SLC4A2: variants seen among roughly 807,000 people sequenced by gnomAD.
SLC4A2 encodes solute carrier family 4 member 2, also known as anion exchange protein 2.
Under a neutral mutation model 115.0 loss-of-function variants are expected in SLC4A2, and 36 were observed. That is an observed-to-expected ratio of 0.31 (90% CI 0.24 to 0.41). SLC4A2 has a LOEUF of 0.41. SLC4A2 is among the 10% of genes least tolerant of loss of function. The probability of loss-of-function intolerance (pLI) is 1.00; values close to 1 mark genes in which losing one functional copy is unlikely to be tolerated. For missense variants in SLC4A2, 1,252 were observed against 1,705.6 expected, an observed-to-expected ratio of 0.73 and a Z score of 4.68; for synonymous variants, 708 against 708.3, an observed-to-expected ratio of 1.00 and a Z score of 0.01.
rs1204024839 is a variant in SLC4A2 at position 151,070,080 on chromosome 7, C to G, written c.1281C>G (p.His427Gln). The change falls in exon 9 of 23, where the codon CAC (histidine) becomes CAG (glutamine). Residue 427 changes from histidine to glutamine, a missense_variant and splice_region_variant. Coordinates refer to ENST00000413384, the MANE Select transcript of SLC4A2 (RefSeq NM_003040.4). The part of the protein sequence containing the change: ...ANVLRALLLK[H>Q]SHPSDEKDFS... ...TGCTGCGGGCTCTGCTGTTGAAACA[C>G]AGGTGAGGCCCTGTGGGCCAGTTGG... is the stretch of plus-strand genomic sequence containing the variant. 6.2e-7 allele frequency: 1 copy of G among 1,614,014 alleles called. No individual in the cohort carries two copies. Among genetic ancestry groups the G allele is most frequent in the Non-Finnish European group, 8.5e-7 (1 of 1,179,890 alleles).
At chr7:151,075,003 G>A (rs573939842) in intron 19 of SLC4A2, 162 bp downstream of exon 19, 27 of 891,374 alleles carry the variant, frequency 3.0e-5, no homozygotes, top group African/African-American at 1.3e-4. Context: ...GAAAAACCCC[G>A]ATGTTTGCTG....
chr7:151,066,379 G>T, intron 5 of SLC4A2, 138 bp from the exon 6 acceptor site: 1 of 1,022,876 alleles, frequency 9.8e-7, no homozygotes, highest in Non-Finnish European at 1.4e-6. Flanking sequence ...CCCTCCCCGT[G>T]CCCGCACCTC....
chr7:151,062,729 C>A, intron 2 of SLC4A2: 1 of 1,410,028 alleles, frequency 7.1e-7, no homozygotes, highest in Non-Finnish European at 9.2e-7. Context: ...CCCGTCCCCT[C>A]GTCCCACGGG....
intron 2 of SLC4A2, chr7:151,063,064 TG>T (rs1584982133): frequency 1.3e-6 from 2 of 1,490,456 alleles, no homozygotes; most frequent in East Asian, 2.7e-5. Context: ...CGTGGGTGGG[TG>T]GGGGGCTGGA....
chr7:151,064,899 C>A lies in SLC4A2; in HGVS notation c.511C>A (p.Pro171Thr). The A allele has an allele frequency of 1.2e-6, 2 of 1,614,012 alleles. No individual in the cohort carries two copies. The highest frequency in any genetic ancestry group is 1.7e-6 in the Non-Finnish European group (2 of 1,180,000). The change falls in exon 5 of 23, where the codon CCA becomes ACA. Residue 171 changes from proline to threonine, a missense_variant. By Grantham distance (38) the Pro-to-Thr change is conservative. Transcript: ENST00000413384. Reference sequence around the variant, plus strand: ...TGACCGGAAGGCAGAGAGGACCAGTCCATCTTCCCCTGCACCACTGCCCCA... The same window carrying A: ...TGACCGGAAGGCAGAGAGGACCAGTACATCTTCCCCTGCACCACTGCCCCA... The part of the protein sequence containing the change: ...SADRKAERTS[P>T]SSPAPLPHQE...
upstream of SLC4A2, chr7:151,058,434 T>C (rs1173015013): frequency 1.1e-4 from 17 of 157,276 alleles, no homozygotes; most frequent in Admixed American, 9.9e-4. Flanking sequence ...ACCCCAGAAT[T>C]GACTGGGGAA....
chr7:151,074,325 G>T, intron 17 of SLC4A2, 32 bp downstream of exon 17: 1 of 1,609,432 alleles, frequency 6.2e-7, no homozygotes, highest in Admixed American at 1.7e-5. Flanking sequence ...GAGGGGGTTA[G>T]GGGCAGGAAG....
At chr7:151,061,721 C>T (rs113004775) in intron 1 of SLC4A2, 119 of 480,680 alleles carry the variant, frequency 2.5e-4, no homozygotes, top group African/African-American at 1.9e-3. Context: ...CGGCCCTTTT[C>T]GGCCCCCCTC....
In SLC4A2 at chr7:151,066,529, G is replaced by A. The variant is rs1249653385; in HGVS notation, c.591G>A (p.Glu197=). ...TCTGTCTGCCTAGAACCCAGGTGGA[G>A]GAGGCGGAGGCGGAGGCGGTGGCGG... ...SKGAQAGTQV[E]EAEAEAVAVA... Residue 197 remains glutamate, a synonymous_variant, in exon 6 of 23, where the codon GAG becomes GAA. Coordinates refer to ENST00000413384, the MANE Select transcript of SLC4A2 (RefSeq NM_003040.4). The A allele has an allele frequency of 2.7e-6, 4 of 1,500,682 alleles. No homozygotes were observed. Among genetic ancestry groups the A allele is most frequent in the African/African-American group, 3.6e-5 (2 of 54,902 alleles). The allele number at this position is 1,500,682 out of a possible 1,614,324, so 93.0% of individuals were successfully genotyped here.
At position 151,076,165 on chromosome 7, in the gene SLC4A2, CACCGACCG is replaced by C; in HGVS notation, c.3626_3633del (p.Thr1209ArgfsTer8). ...GCATGGTGGTGCTCACCCGTATCTT[CACCGACCG>C]AGAGATGAAATGTGTAAGCCCTCCC... On this transcript the variant is annotated frameshift_variant, in exon 22 of 23. Coordinates refer to ENST00000413384, the MANE Select transcript of SLC4A2 (RefSeq NM_003040.4). LOFTEE classifies it high-confidence loss of function. The C allele has an allele frequency of 6.2e-7, 1 of 1,611,092 alleles. No homozygotes were observed. Among genetic ancestry groups the C allele is most frequent in the Non-Finnish European group, 8.5e-7 (1 of 1,179,920 alleles).
In SLC4A2 at chr7:151,076,337, C is replaced by T. The variant is rs1442017546; in HGVS notation, c.3696C>T (p.Asp1232=). 4 of 1,530,712 alleles carry T rather than the reference C, an allele frequency of 2.6e-6. No individual in the cohort carries two copies. The highest frequency in any genetic ancestry group is 2.0e-5 in the Admixed American group (1 of 48,862). 94.8% of individuals were successfully genotyped at this position (1,530,712 alleles called of 1,614,324 possible). A position where few individuals can be genotyped will look rare whatever the true frequency, so the allele number is the denominator to read the frequency against. The change falls in exon 23 of 23, where the codon GAC becomes GAT. Residue 1232 remains aspartate, a synonymous_variant. Coordinates refer to ENST00000413384, the MANE Select transcript of SLC4A2 (RefSeq NM_003040.4). The stretch of plus-strand genomic sequence containing the variant: ...TGTTTGATGAGCGGGAGGGTGTGGA[C>T]GAGTACAATGAGATGCCCATGCCTG... ...EPVFDEREGV[D]EYNEMPMPV
chr7:151,068,526 A>AT (rs35803484), intron 8 of SLC4A2, among the ~76,000 whole-genome samples: 27 of 150,214 alleles, frequency 1.8e-4, no homozygotes, highest in African/African-American at 4.9e-4. Context: ...AAAAAAATTA[A>AT]TTTTTTTTTT....
chr7:151,074,765 G>A lies in SLC4A2; in HGVS notation c.2971G>A (p.Val991Met). 1 of 1,613,666 alleles carries A rather than the reference G, an allele frequency of 6.2e-7. No individual in the cohort carries two copies. The highest frequency in any genetic ancestry group is 8.5e-7 in the Non-Finnish European group (1 of 1,179,836). ...NPLGEKSPFPVWMMVASLLPA... is the reference protein window; with the variant it reads ...NPLGEKSPFPMWMMVASLLPA... ...CCTGGGAGAGAAGAGCCCCTTCCCT[G>A]TGTGGATGATGGTTGCCAGCCTGCT... Residue 991 changes from valine to methionine, a missense_variant, in exon 19 of 23, where the codon GTG becomes ATG. By Grantham distance (21) the Val-to-Met change is conservative. Coordinates refer to ENST00000413384, the MANE Select transcript of SLC4A2 (RefSeq NM_003040.4).
upstream of SLC4A2, chr7:151,058,205 A>C: frequency 2.2e-5 from 9 of 418,254 alleles, no homozygotes; most frequent in East Asian, 4.8e-5. Context: ...TATTCCTTTT[A>C]TGTGCTCCCA....
Position 151,074,044 on chromosome 7 carries a change from C to T in SLC4A2, c.2541C>T (p.Phe847=). Residue 847 remains phenylalanine (F), a synonymous_variant, in exon 17 of 23, where the codon TTC becomes TTT. Transcript: ENST00000413384. Reference sequence around the variant, plus strand: ...GTGTGGCCTCCTCTCCCCAGATCTTCCAGGAGCACCCCCTGCATGGCTGCT... The same window carrying T: ...GTGTGGCCTCCTCTCCCCAGATCTTTCAGGAGCACCCCCTGCATGGCTGCT... ...YETFYKLVKI[F]QEHPLHGCSA... is the part of the protein sequence containing the mutation. 6.3e-7 allele frequency: 1 copy of T among 1,575,396 alleles called. No homozygotes were observed.
Position 151,064,965 on chromosome 7 carries a change from G to A in SLC4A2, c.577G>A (p.Gly193Arg). Residue 193 changes from glycine (G) to arginine (R), a missense_variant and splice_region_variant, in exon 5 of 23, where the codon GGA becomes AGA. By Grantham distance (125) the Gly-to-Arg change is moderately radical. Around this residue, in one of 14 missense-constraint regions of SLC4A2, gnomAD observed 215 missense variants for 205.2 expected, o/e 1.05. Transcript: ENST00000413384. Reference protein sequence around the residue: ...TPRASKGAQAGTQVEEAEAEA... With the variant: ...TPRASKGAQARTQVEEAEAEA... ...TCGGGCCTCCAAAGGGGCCCAGGCT[G>A]GGTAAGTACACCCCAATCAACAGTG... is the stretch of plus-strand genomic sequence containing the variant. 6.3e-7 allele frequency: 1 copy of A among 1,598,274 alleles called. No homozygotes were observed. The highest frequency in any genetic ancestry group is 8.6e-7 in the Non-Finnish European group (1 of 1,165,878).
chr7:151,066,828 A>G (rs1307571346), intron 6 of SLC4A2, 23 bp from the exon 7 acceptor site: 1 of 1,605,262 alleles, frequency 6.2e-7, no homozygotes, highest in East Asian at 2.2e-5. Context: ...GGGGAGCCCA[A>G]CCTTGGTCCT....
chr7:151,062,408 G>GCCACGACTGGCCACGCCCCCTGC (rs1797079850), intron 2 of SLC4A2: 1 of 767,728 alleles, frequency 1.3e-6, no homozygotes, highest in African/African-American at 1.8e-5. Context: ...GAGCTCGCCT[G>GCCACGACTGGCCACGCCCCCTGC]CCACGACTGG....
intron 2 of SLC4A2, chr7:151,062,635 C>T (rs1393399139): frequency 6.6e-7 from 1 of 1,522,478 alleles, no homozygotes; most frequent in South Asian, 1.2e-5. Flanking sequence ...TCACCCCTGC[C>T]GGCCATGGAC....
Sources: gnomAD v4.1 joint callset for allele counts (sites outside exome capture counted in the v4.1 genomes callset) on GRCh38, gnomAD v4.1.1 for gene constraint, gnomAD v4.1.1 regional missense constraint, MANE v1.5 for transcripts, NCBI Gene and HGNC (gene_info 2026-07-23, HGNC 2026-07-21) for gene names.